THBS1: variants seen among roughly 807,000 people sequenced by gnomAD.
THBS1 encodes the protein thrombospondin-1.
In THBS1, 29 loss-of-function variants were observed where a neutral mutation model predicts 126.1. That is an observed-to-expected ratio of 0.23 (90% CI 0.17 to 0.31). The LOEUF (loss-of-function observed/expected upper bound fraction) is 0.31. Ranked by LOEUF, THBS1 falls within the 10% of genes least tolerant of loss-of-function variation. The probability of loss-of-function intolerance (pLI) is 1.00; values close to 1 mark genes in which losing one functional copy is unlikely to be tolerated. For missense variants in THBS1, 1,198 were observed against 1,545.2 expected, an observed-to-expected ratio of 0.78 and a Z score of 3.77; for synonymous variants, 496 against 577.8, an observed-to-expected ratio of 0.86 and a Z score of 2.03.
In THBS1 at chr15:39,581,201, C is replaced by A; in HGVS notation, c.-57C>A. 6.5e-6 allele frequency: 1 copy of A among 155,032 alleles called. No individual in the cohort carries two copies. Among genetic ancestry groups the A allele is most frequent in the South Asian group, 1.8e-4 (1 of 5,656 alleles). The allele number at this position is 155,032 out of a possible 1,614,324, so 9.6% of individuals were successfully genotyped here. A position where few individuals can be genotyped will look rare whatever the true frequency, so the allele number is the denominator to read the frequency against. ...AGCCCTCGCCGCCCTCGCCACCGCT[C>A]CCGGCCGCCGCGCTCCGGTACACAC... On this transcript the variant is annotated 5_prime_UTR_variant, in exon 1 of 22. Coordinates refer to ENST00000260356, the MANE Select transcript of THBS1 (RefSeq NM_003246.4).
Position 39,589,411 on chromosome 15 carries a change from A to T in THBS1, c.1926+57A>T. 6.3e-7 allele frequency: 1 copy of T among 1,593,738 alleles called. No individual in the cohort carries two copies. The highest frequency in any genetic ancestry group is 8.6e-7 in the Non-Finnish European group (1 of 1,168,544). On this transcript the variant is annotated intron_variant, in intron 12 of 21. Transcript: ENST00000260356. This position sits in a 1 kb window ranked among gnomAD's most constrained non-coding sequence, Gnocchi z 4.7. ...CAGGAGAGCTGTCCTTGACCAAAATAACTGGGAGCGGGAGGAATGTAATTT... is the reference window on the plus strand; with the variant it reads ...CAGGAGAGCTGTCCTTGACCAAAATTACTGGGAGCGGGAGGAATGTAATTT...
Position 39,593,548 on chromosome 15 carries a change from C to T in THBS1, c.3147C>T (p.Asp1049=), listed in dbSNP as rs1890372012. 1.2e-6 allele frequency: 2 copies of T among 1,614,210 alleles called. No homozygotes were observed. The highest frequency in any genetic ancestry group is 1.7e-6 in the Non-Finnish European group (2 of 1,180,042). ...AGCAAGTCACCCAGTCCTACTGGGA[C>T]ACCAACCCCACGAGGGCTCAGGGAT... ...MWKQVTQSYW[D]TNPTRAQGYS... The change falls in exon 19 of 22, where the codon GAC becomes GAT. Residue 1049 remains aspartate, a synonymous_variant. Coordinates refer to ENST00000260356, the MANE Select transcript of THBS1 (RefSeq NM_003246.4). This position sits in a 1 kb window ranked among gnomAD's most constrained non-coding sequence, Gnocchi z 5.9.
rs761055148 is a variant in THBS1, at chr15:39,584,383, G to A, written c.987G>A (p.Glu329=). The A allele has an allele frequency of 5.0e-6, 8 of 1,614,078 alleles. No individual in the cohort carries two copies. The highest frequency in any genetic ancestry group is 5.9e-6 in the Non-Finnish European group (7 of 1,180,042). Residue 329 remains glutamate, a synonymous_variant, in exon 6 of 22, where the codon GAG becomes GAA. Coordinates refer to ENST00000260356, the MANE Select transcript of THBS1 (RefSeq NM_003246.4). ...ACGGAGTTCAGTACAGAAATAACGA[G>A]GAATGGACTGTTGATAGCTGCACTG... ...YHNGVQYRNN[E]EWTVDSCTEC... is the part of the protein sequence containing the mutation.
intron 8 of THBS1, 80 bp downstream of exon 8, chr15:39,587,600 A>AT: frequency 7.1e-7 from 1 of 1,406,668 alleles, no homozygotes. Context: ...CACAGCATGT[A>AT]TATTAAGAAC....
chr15:39,584,097 C>T lies in THBS1; in HGVS notation c.813C>T (p.Gly271=). The change falls in exon 5 of 22, where the codon GGC becomes GGT. Residue 271 remains glycine, a synonymous_variant. Transcript: ENST00000260356. The part of the protein sequence containing the change: ...HKTKDLQAIC[G]ISCDELSSMV... ...CAAAGGACTTGCAAGCCATCTGCGGCATCTCCTGTGATGAGCTGTCCAGCA... is the reference window on the plus strand; with the variant it reads ...CAAAGGACTTGCAAGCCATCTGCGGTATCTCCTGTGATGAGCTGTCCAGCA... 1 of 1,614,230 alleles carries T rather than the reference C, an allele frequency of 6.2e-7. No homozygotes were observed. Among genetic ancestry groups the T allele is most frequent in the Non-Finnish European group, 8.5e-7 (1 of 1,180,044 alleles).
Position 39,592,575 on chromosome 15 carries a change from C to G in THBS1, c.2540C>G (p.Ser847Cys). The G allele has an allele frequency of 6.2e-7, 1 of 1,612,420 alleles. No individual in the cohort carries two copies. Among genetic ancestry groups the G allele is most frequent in the South Asian group, 1.1e-5 (1 of 90,662 alleles). ...PLEHNPDQLD[S>C]DSDRIGDTCD... is the part of the protein sequence containing the mutation. ...TTTACATCTCTCTTTCAGCTGGACT[C>G]TGACTCAGACCGCATTGGAGATACC... Residue 847 changes from serine (S) to cysteine (C), a missense_variant, in exon 17 of 22, where the codon TCT (serine) becomes TGT (cysteine). Physicochemically the swap from Ser to Cys is moderately radical, Grantham distance 112. Coordinates refer to ENST00000260356, the MANE Select transcript of THBS1 (RefSeq NM_003246.4). This position sits in a 1 kb window ranked among gnomAD's most constrained non-coding sequence, Gnocchi z 4.3.
In THBS1 at chr15:39,592,772, G is replaced by A. The variant is rs139418401; in HGVS notation, c.2737G>A (p.Val913Met). ...IPDDKDNCRL[V>M]PNPDQKDSDG... ...TGATGACAAGGACAACTGCAGACTCGTGCCCAATCCCGACCAGAAGGACTC... is the reference window on the plus strand; with the variant it reads ...TGATGACAAGGACAACTGCAGACTCATGCCCAATCCCGACCAGAAGGACTC... Residue 913 changes from valine to methionine, a missense_variant, in exon 17 of 22, where the codon GTG becomes ATG. This residue lies in a region of THBS1 where 255 missense variants were observed against 373.9 expected (regional missense o/e 0.68). Coordinates refer to ENST00000260356, the MANE Select transcript of THBS1 (RefSeq NM_003246.4). The surrounding 1 kb of genome is among the most constrained non-coding windows in gnomAD (Gnocchi z 4.3). The A allele has an allele frequency of 6.8e-6, 11 of 1,613,894 alleles. No homozygotes were observed. Among genetic ancestry groups the A allele is most frequent in the Admixed American group, 3.3e-5 (2 of 60,002 alleles).
At position 39,587,586 on chromosome 15, in the gene THBS1, G is replaced by T; in HGVS notation, c.1294+66G>T. 7 of 1,478,324 alleles carry T rather than the reference G, an allele frequency of 4.7e-6. No homozygotes were observed. In the South Asian group the frequency reaches 5.3e-5, roughly 11 times the overall value. 91.6% of individuals were successfully genotyped at this position (1,478,324 alleles called of 1,614,324 possible). A position where few individuals can be genotyped will look rare whatever the true frequency, so the allele number is the denominator to read the frequency against. Reference sequence around the variant, plus strand: ...GTCCTTGTTGTCGTCACCAAGGGCAGCTCCACAGCATGTATATTAAGAACA... The same window carrying T: ...GTCCTTGTTGTCGTCACCAAGGGCATCTCCACAGCATGTATATTAAGAACA... On this transcript the variant is annotated intron_variant, in intron 8 of 21. Transcript: ENST00000260356.
In THBS1 at chr15:39,588,044, A is replaced by C. The variant is rs1043955144; in HGVS notation, c.1297A>C (p.Lys433Gln). ...TGACCATCAACTCTGTACTTTAGTTAAACAGGATGGTGGCTGGAGCCACTG... is the reference window on the plus strand; with the variant it reads ...TGACCATCAACTCTGTACTTTAGTTCAACAGGATGGTGGCTGGAGCCACTG... Reference protein sequence around the residue: ...CHIQECDKRFKQDGGWSHWSP... With the variant: ...CHIQECDKRFQQDGGWSHWSP... Residue 433 changes from lysine (K) to glutamine (Q), a missense_variant and splice_region_variant, in exon 9 of 22, where the codon AAA becomes CAA. Physicochemically the swap from Lys to Gln is moderately conservative, Grantham distance 53. Transcript: ENST00000260356. 6.2e-6 allele frequency: 10 copies of C among 1,613,952 alleles called. No individual in the cohort carries two copies. Among genetic ancestry groups the C allele is most frequent in the Non-Finnish European group, 8.5e-6 (10 of 1,179,906 alleles).
Position 39,584,124 on chromosome 15 carries a change from G to A in THBS1, c.840G>A (p.Met280Ile). The A allele has an allele frequency of 6.2e-7, 1 of 1,614,242 alleles. No individual in the cohort carries two copies. The highest frequency in any genetic ancestry group is 8.5e-7 in the Non-Finnish European group (1 of 1,180,048). Residue 280 changes from methionine to isoleucine, a missense_variant, in exon 5 of 22, where the codon ATG (methionine) becomes ATA (isoleucine). Coordinates refer to ENST00000260356, the MANE Select transcript of THBS1 (RefSeq NM_003246.4). The part of the protein sequence containing the change: ...CGISCDELSS[M>I]VLELRGLRTI... ...TCTCCTGTGATGAGCTGTCCAGCAT[G>A]GTCCTGGAACTCAGGGGCCTGCGCA...
chr15:39,594,830 C>G lies in THBS1; in HGVS notation c.3505+390C>G, dbSNP rs1890401548. Among the ~76,000 whole-genome samples, 1 of 152,180 alleles carries G rather than the reference C, an allele frequency of 6.6e-6. No individual in the cohort carries two copies. The highest frequency in any genetic ancestry group is 2.4e-5 in the African/African-American group (1 of 41,440). ...AGCATTCCCAACTTTTCCCTGTATA[C>G]AAAGAAGGGAGAGGAATGTTGCTTT... On this transcript the variant is annotated intron_variant, in intron 21 of 21. Transcript: ENST00000260356. The surrounding 1 kb of genome is among the most constrained non-coding windows in gnomAD (Gnocchi z 4.4).
intron 4 of THBS1, 134 bp downstream of exon 4, chr15:39,583,826 C>T (rs1216591995): frequency 1.7e-6 from 2 of 1,207,338 alleles, no homozygotes; most frequent in Non-Finnish European, 2.4e-6. Flanking sequence ...ACAGAAGTGA[C>T]TCCAAGGGGT....
At chr15:39,585,712 C>A in intron 7 of THBS1, 149 bp downstream of exon 7, 1 of 757,346 alleles carries the variant, frequency 1.3e-6, no homozygotes, top group Non-Finnish European at 2.2e-6. Flanking sequence ...TAACTGACAG[C>A]TTATCTGCTG....
At position 39,584,081 on chromosome 15, in the gene THBS1, T is replaced by C. The variant is rs371001900; in HGVS notation, c.797T>C (p.Leu266Ser). ...TNYIGHKTKD[L>S]QAICGISCDE... is the part of the protein sequence containing the mutation. Reference sequence around the variant, plus strand: ...TACATTGGCCACAAGACAAAGGACTTGCAAGCCATCTGCGGCATCTCCTGT... The same window carrying C: ...TACATTGGCCACAAGACAAAGGACTCGCAAGCCATCTGCGGCATCTCCTGT... The change falls in exon 5 of 22, where the codon TTG becomes TCG. Residue 266 changes from leucine (L) to serine (S), a missense_variant. By Grantham distance (145) the Leu-to-Ser change is moderately radical. Transcript: ENST00000260356. 6.2e-6 allele frequency: 10 copies of C among 1,614,096 alleles called. No individual in the cohort carries two copies. The highest frequency in any genetic ancestry group is 1.3e-5 in the African/African-American group (1 of 74,924).
rs373592796 is a variant in THBS1 at position 39,584,238 on chromosome 15, C to T, written c.903+51C>T. 1.1e-5 allele frequency: 18 copies of T among 1,614,084 alleles called. No individual in the cohort carries two copies. The Middle Eastern group carries it at 4.9e-4, about 44-fold the overall frequency. ...TTAGCATGAACCCTGGAAGGTTTAT[C>T]GCAGATGGTCCCAAATGACTGAAAA... On this transcript the variant is annotated intron_variant, in intron 5 of 21. Coordinates refer to ENST00000260356, the MANE Select transcript of THBS1 (RefSeq NM_003246.4).
chr15:39,584,365 T>A lies in THBS1; in HGVS notation c.969T>A (p.Val323=). 1 of 1,614,192 alleles carries A rather than the reference T, an allele frequency of 6.2e-7. No individual in the cohort carries two copies. Among genetic ancestry groups the A allele is most frequent in the African/African-American group, 1.3e-5 (1 of 75,030 alleles). The change falls in exon 6 of 22, where the codon GTT becomes GTA. Residue 323 remains valine (V), a synonymous_variant. Transcript: ENST00000260356. ...RRPPLCYHNG[V]QYRNNEEWTV... ...CTCCCCTATGCTATCACAACGGAGT[T>A]CAGTACAGAAATAACGAGGAATGGA...
At chr15:39,581,806 G>A in intron 1 of THBS1, 23 bp from the exon 2 acceptor site, 2 of 1,536,952 alleles carry the variant, frequency 1.3e-6, no homozygotes, top group East Asian at 2.3e-5. Context: ...TCTGACCCTC[G>A]GCTCTTGTGC....
Position 39,592,303 on chromosome 15 carries a change from T to C in THBS1, c.2533-265T>C, listed in dbSNP as rs1384631308. Among the ~76,000 whole-genome samples, 1 of 152,250 alleles carries C rather than the reference T, an allele frequency of 6.6e-6. No individual in the cohort carries two copies. The highest frequency in any genetic ancestry group is 2.4e-5 in the African/African-American group (1 of 41,470). The stretch of plus-strand genomic sequence containing the variant: ...CTTTAGTAATTAAATATCACTCTAT[T>C]TGACCTTATTTAGAAAGTTTTATAT... On this transcript the variant is annotated intron_variant, in intron 16 of 21. Transcript: ENST00000260356. The surrounding 1 kb of genome is among the most constrained non-coding windows in gnomAD (Gnocchi z 4.3).
chr15:39,587,247 C>G, intron 7 of THBS1, 100 bp from the exon 8 acceptor site: 1 of 1,199,404 alleles, frequency 8.3e-7, no homozygotes, highest in Non-Finnish European at 1.1e-6. Flanking sequence ...AAATATATTG[C>G]TTTTCACCCT....
Sources: allele counts gnomAD v4.1 joint callset (sites outside exome capture counted in the v4.1 genomes callset), GRCh38; gene constraint gnomAD v4.1.1; regional missense constraint gnomAD v4.1.1; non-coding constraint Gnocchi (gnomAD v3.1); transcripts MANE v1.5; gene names NCBI Gene and HGNC (gene_info 2026-07-23, HGNC 2026-07-21).